The following DIP2A variants were observed in gnomAD, a reference collection of about 807,000 sequenced individuals.
DIP2A encodes DIP2 acetate--CoA ligase A.
DIP2A carries 85 observed loss-of-function variants against 177.4 expected under a neutral mutation model. The observed-to-expected ratio is 0.48, with a 90% CI of 0.40 to 0.57. The LOEUF is 0.57. Ranked by LOEUF, DIP2A falls within the 20% of genes least tolerant of loss-of-function variation. DIP2A has a pLI of 0.00. For synonymous variants in DIP2A, 886 were observed against 881.8 expected, an observed-to-expected ratio of 1.00 and a Z score of -0.08; for missense variants, 1,791 against 2,100.2, an observed-to-expected ratio of 0.85 and a Z score of 2.88.
intron 1 of DIP2A, among the ~76,000 whole-genome samples, chr21:46,467,612 A>G (rs1601329021): frequency 6.6e-6 from 1 of 152,340 alleles, no homozygotes; most frequent in East Asian, 1.9e-4. Context: ...GTATGTAAGG[A>G]CAATCAGGCA....
chr21:46,529,594 C>T (rs1004650942), intron 9 of DIP2A, among the ~76,000 whole-genome samples: 1 of 148,384 alleles, frequency 6.7e-6, no homozygotes, highest in Non-Finnish European at 1.5e-5. Context: ...AGTGAGACTC[C>T]GTCTCAAAGA....
At chr21:46,504,608 C>T (rs2057876335) in intron 6 of DIP2A, 119 bp downstream of exon 6, 2 of 1,245,584 alleles carry the variant, frequency 1.6e-6, no homozygotes, top group African/African-American at 1.5e-5. Context: ...AGTTTTAATC[C>T]ATGCAGATAA....
At chr21:46,554,975 T>C in intron 28 of DIP2A, 42 bp downstream of exon 28, 1 of 1,531,826 alleles carries the variant, frequency 6.5e-7, no homozygotes, top group Admixed American at 2.0e-5. Context: ...CCTTTTCCTT[T>C]CTTTGTTGTA....
Position 46,560,794 on chromosome 21 carries a change from C to A in DIP2A, c.4031+11C>A. The A allele has an allele frequency of 6.2e-7, 1 of 1,600,776 alleles. No homozygotes were observed. Among genetic ancestry groups the A allele is most frequent in the East Asian group, 2.3e-5 (1 of 44,164 alleles). On this transcript the variant is annotated intron_variant, in intron 33 of 37. Transcript: ENST00000417564. The stretch of plus-strand genomic sequence containing the variant: ...ACTGCGCCATGACAGGTAATGCTCC[C>A]AGCCTGCCTGGGCCCCATGGATACC...
chr21:46,551,586 A>T (rs2148870143), intron 23 of DIP2A, 48 bp from the exon 24 acceptor site: 2 of 1,489,616 alleles, frequency 1.3e-6, no homozygotes, highest in Middle Eastern at 1.7e-4. Context: ...CGTGATGTTT[A>T]TATATGAGAA....
At chr21:46,460,307 G>A (rs1601271621) in intron 1 of DIP2A, among the ~76,000 whole-genome samples, 1 of 152,168 alleles carries the variant, frequency 6.6e-6, no homozygotes, top group African/African-American at 2.4e-5. Context: ...TTCAAGGCCT[G>A]TGTCCTGATA....
intron 28 of DIP2A, chr21:46,555,722 C>T (rs1197222087): frequency 1.2e-5 from 6 of 504,366 alleles, no homozygotes; most frequent in African/African-American, 9.7e-5. Context: ...GACGTGATGC[C>T]TCCCCTCTTC....
At chr21:46,508,035 GCCC>G (rs1011925892) in intron 6 of DIP2A, among the ~76,000 whole-genome samples, 17 of 150,876 alleles carry the variant, frequency 1.1e-4, no homozygotes, top group Admixed American at 5.9e-4. Flanking sequence ...ACTGTGCCCA[GCCC>G]CCCATTTTTT....
chr21:46,541,952 GGTTTT>G (rs774234992), intron 18 of DIP2A, 57 bp downstream of exon 18: 2 of 1,608,006 alleles, frequency 1.2e-6, no homozygotes, highest in Non-Finnish European at 1.7e-6. Context: ...TAACGAAAAG[GGTTTT>G]GTTTTGTTTT....
intron 8 of DIP2A, among the ~76,000 whole-genome samples, chr21:46,524,853 T>C (rs559066839): frequency 6.6e-6 from 1 of 150,786 alleles, no homozygotes; most frequent in East Asian, 1.9e-4. Context: ...TTCTTTTCTT[T>C]TATGATTTTT....
At chr21:46,504,599 G>T in intron 6 of DIP2A, 110 bp downstream of exon 6, 2 of 1,327,190 alleles carry the variant, frequency 1.5e-6, no homozygotes, top group African/African-American at 1.5e-5. Context: ...CCAAACGTCA[G>T]TTTTAATCCA....
the DIP2A span, among the ~76,000 whole-genome samples, chr21:46,578,340 C>CA: frequency 0.12 from 18,642 of 151,802 alleles, 1,539 homozygotes; most frequent in African/African-American, 0.23. Context: ...ACAACGACAA[C>CA]AAAAAAAACC....
chr21:46,459,981 C>T (rs1460876977), intron 1 of DIP2A, among the ~76,000 whole-genome samples: 1 of 152,108 alleles, frequency 6.6e-6, no homozygotes, highest in Non-Finnish European at 1.5e-5. Flanking sequence ...ATGACTGCGC[C>T]CGTTGTCCGC....
chr21:46,502,452 T>C (rs1485174838), intron 5 of DIP2A, among the ~76,000 whole-genome samples: 1 of 136,952 alleles, frequency 7.3e-6, no homozygotes, highest in East Asian at 2.1e-4. Flanking sequence ...TTTTTTTTTT[T>C]TTTTTTTTTT....
At chr21:46,526,685 G>C (rs796996041) in intron 8 of DIP2A, among the ~76,000 whole-genome samples, 19 of 152,268 alleles carry the variant, frequency 1.2e-4, no homozygotes, top group African/African-American at 4.6e-4. Context: ...GTGAGCCACT[G>C]CGCCAGGCCT....
chr21:46,561,893 G>T, intron 34 of DIP2A, 88 bp downstream of exon 34: 1 of 1,569,364 alleles, frequency 6.4e-7, no homozygotes, highest in African/African-American at 1.4e-5. Context: ...GGGGGCTGCG[G>T]CTCTGATGAA....
chr21:46,583,629 G>A, the DIP2A span, among the ~76,000 whole-genome samples: 1 of 152,198 alleles, frequency 6.6e-6, no homozygotes, highest in African/African-American at 2.4e-5. Flanking sequence ...TTTAAGAGGT[G>A]TTTGGGTCAT....
chr21:46,573,863 G>A (rs943880542), downstream of DIP2A, among the ~76,000 whole-genome samples: 1 of 151,802 alleles, frequency 6.6e-6, no homozygotes, highest in Admixed American at 6.6e-5. Flanking sequence ...AATGAAAACT[G>A]ACAATAGAAG....
downstream of DIP2A, among the ~76,000 whole-genome samples, chr21:46,571,956 AAGAG>A (rs770555559): frequency 2.0e-5 from 3 of 152,150 alleles, no homozygotes; most frequent in Non-Finnish European, 4.4e-5. Flanking sequence ...AGTGGTGAGA[AAGAG>A]CATCCTTGTC....
Sources: allele counts gnomAD v4.1 joint callset (sites outside exome capture counted in the v4.1 genomes callset), GRCh38; gene constraint gnomAD v4.1.1; transcripts MANE v1.5; gene names NCBI Gene and HGNC (gene_info 2026-07-23, HGNC 2026-07-21).